The following FAF1 variants were observed in gnomAD, a reference collection of about 807,000 sequenced individuals.
FAF1 encodes Fas associated factor 1, also known as FAS-associated factor 1.
In FAF1, 25 loss-of-function variants were observed where a neutral mutation model predicts 92.5. The observed-to-expected ratio is 0.27, with a 90% CI of 0.20 to 0.38. The LOEUF is 0.38. FAF1 is among the 10% of genes least tolerant of loss of function. The probability of loss-of-function intolerance (pLI) is 1.00; values close to 1 mark genes in which losing one functional copy is unlikely to be tolerated. For missense variants in FAF1, 636 were observed against 793.3 expected (o/e 0.80, Z 2.38); for synonymous variants, 234 against 273.2 (o/e 0.86, Z 1.42).
At chr1:50,886,827 C>T (rs921564276) in intron 1 of FAF1, among the ~76,000 whole-genome samples, 21 of 152,156 alleles carry the variant, frequency 1.4e-4, no homozygotes, top group African/African-American at 2.9e-4. Flanking sequence ...TGAATAGTGC[C>T]GCAATAAACA....
At position 50,819,588 on chromosome 1, in the gene FAF1, C is replaced by A. The variant is rs557827974; in HGVS notation, c.115-17911G>T. On this transcript the variant is annotated intron_variant, in intron 2 of 18. Coordinates refer to ENST00000396153, the MANE Select transcript of FAF1 (RefSeq NM_007051.3). ...ACTGCAATAGCTATAATCACACCAC[C>A]ATACTCCAGCCTGGTCAACAGAGCA... 2.5e-4 allele frequency among the ~76,000 whole-genome samples: 37 copies of A among 147,806 alleles called. 1 individual carries two copies. In the South Asian group the frequency reaches 4.7e-3, roughly 19 times the overall value.
chr1:50,896,776 C>A (rs961191739), intron 1 of FAF1, among the ~76,000 whole-genome samples: 2 of 152,064 alleles, frequency 1.3e-5, no homozygotes, highest in Non-Finnish European at 2.9e-5. Context: ...GACCGTCAGA[C>A]AATGGTGTGA....
At chr1:50,859,770 A>G (rs1229672353) in intron 1 of FAF1, among the ~76,000 whole-genome samples, 2 of 152,052 alleles carry the variant, frequency 1.3e-5, no homozygotes, top group African/African-American at 4.8e-5. Context: ...ATGGAATCAA[A>G]AAAGAGCCCA....
chr1:50,679,673 G>A (rs920387781), intron 7 of FAF1, among the ~76,000 whole-genome samples: 1 of 152,106 alleles, frequency 6.6e-6, no homozygotes, highest in African/African-American at 2.4e-5. Flanking sequence ...CATTTTTACT[G>A]ATGAATAAAA....
intron 4 of FAF1, among the ~76,000 whole-genome samples, chr1:50,761,785 G>A (rs1660338090): frequency 1.3e-5 from 2 of 152,086 alleles, no homozygotes; most frequent in African/African-American, 2.4e-5. Flanking sequence ...GCACAAGACA[G>A]GGATGCCCTC....
chr1:50,582,515 A>G, intron 12 of FAF1, 103 bp downstream of exon 12: 2 of 769,134 alleles, frequency 2.6e-6, no homozygotes, highest in Non-Finnish European at 2.2e-6. Context: ...TGTTTTTGGA[A>G]AAAAACAAAA....
At chr1:50,938,949 T>C (rs1170215618) in intron 1 of FAF1, among the ~76,000 whole-genome samples, 2 of 152,236 alleles carry the variant, frequency 1.3e-5, no homozygotes, top group Non-Finnish European at 2.9e-5. Flanking sequence ...ACCAGTACCA[T>C]GCTGTTTTGG....
intron 8 of FAF1, among the ~76,000 whole-genome samples, chr1:50,626,924 T>C (rs981535330): frequency 1.3e-5 from 2 of 152,122 alleles, no homozygotes; most frequent in African/African-American, 4.8e-5. Context: ...TTACATAAAG[T>C]CAGCAAGACA....
chr1:50,559,126 C>G, intron 13 of FAF1, among the ~76,000 whole-genome samples: 1 of 152,110 alleles, frequency 6.6e-6, no homozygotes, highest in Non-Finnish European at 1.5e-5. Flanking sequence ...TGGCAAGCGC[C>G]TGTAGCCCCA....
At chr1:50,500,112 A>G (rs1482598386) in intron 15 of FAF1, among the ~76,000 whole-genome samples, 3 of 152,222 alleles carry the variant, frequency 2.0e-5, no homozygotes, top group Non-Finnish European at 2.9e-5. Context: ...CAGATTCAAC[A>G]TAATTCCAAT....
At chr1:50,851,111 C>T (rs1406272273) in intron 2 of FAF1, among the ~76,000 whole-genome samples, 1 of 144,900 alleles carries the variant, frequency 6.9e-6, no homozygotes, top group Non-Finnish European at 1.5e-5. Flanking sequence ...GAGACAGTCT[C>T]ACTCTGTCAC....
intron 13 of FAF1, among the ~76,000 whole-genome samples, chr1:50,555,901 C>T (rs12565477): frequency 0.093 from 14,014 of 150,866 alleles, 833 homozygotes; most frequent in African/African-American, 0.17. Context: ...AAATGTGGTA[C>T]GTATACATAT....
intron 1 of FAF1, among the ~76,000 whole-genome samples, chr1:50,945,442 G>A (rs1406867195): frequency 6.6e-6 from 1 of 152,144 alleles, no homozygotes; most frequent in Non-Finnish European, 1.5e-5. Context: ...TGTGACAAAC[G>A]GTTAAACTTT....
chr1:50,739,371 CATACAT>C (rs1193818996), intron 5 of FAF1, among the ~76,000 whole-genome samples: 1 of 150,872 alleles, frequency 6.6e-6, no homozygotes, highest in Non-Finnish European at 1.5e-5. Context: ...TGTACACGTA[CATACAT>C]ATACATATAT....
intron 8 of FAF1, among the ~76,000 whole-genome samples, chr1:50,618,286 A>C (rs1653020828): frequency 6.6e-6 from 1 of 152,084 alleles, no homozygotes; most frequent in Non-Finnish European, 1.5e-5. Context: ...TAGAGCTATA[A>C]ACTTTCCTCT....
At chr1:50,659,237 A>T (rs1655264389) in intron 7 of FAF1, among the ~76,000 whole-genome samples, 1 of 151,902 alleles carries the variant, frequency 6.6e-6, no homozygotes, top group Admixed American at 6.6e-5. Flanking sequence ...AAATATGAGG[A>T]AGAAAGAGGG....
rs1010995728 is a variant in FAF1 at position 50,577,070 on chromosome 1, G to A, written c.1113+5548C>T. Among the ~76,000 whole-genome samples, 8 of 152,204 alleles carry A rather than the reference G, an allele frequency of 5.3e-5. No homozygotes were observed. The South Asian group carries it at 6.2e-4, about 12-fold the overall frequency. On this transcript the variant is annotated intron_variant, in intron 12 of 18. Transcript: ENST00000396153. ...GCATCATGCCTAGCAATGCAACTCC[G>A]TCCTGCATTTTTTTGCTCCAGTAAT...
At chr1:50,575,840 T>G (rs924517592) in intron 12 of FAF1, among the ~76,000 whole-genome samples, 7 of 152,264 alleles carry the variant, frequency 4.6e-5, no homozygotes, top group Admixed American at 2.0e-4. Context: ...CAACTACAGC[T>G]GTGGCCTCAA....
chr1:50,843,437 T>C (rs1347977765), intron 2 of FAF1, among the ~76,000 whole-genome samples: 1 of 152,124 alleles, frequency 6.6e-6, no homozygotes, highest in Non-Finnish European at 1.5e-5. Flanking sequence ...TACAATAAAT[T>C]ATTGTTAATC....
Sources: gnomAD v4.1 joint callset for allele counts (sites outside exome capture counted in the v4.1 genomes callset) on GRCh38, gnomAD v4.1.1 for gene constraint, MANE v1.5 for transcripts, NCBI Gene and HGNC (gene_info 2026-07-23, HGNC 2026-07-21) for gene names.